The following FBXL7 variants were observed in gnomAD, a reference collection of about 807,000 sequenced individuals.
FBXL7 encodes the protein F-box and leucine rich repeat protein 7, also known as F-box/LRR-repeat protein 7.
Under a neutral mutation model 38.3 loss-of-function variants are expected in FBXL7, and 12 were observed. The observed-to-expected ratio is 0.31, with a 90% CI of 0.20 to 0.51. The LOEUF (loss-of-function observed/expected upper bound fraction) is 0.51, where lower values mean the gene tolerates loss of function less well. FBXL7 is among the 20% of genes least tolerant of loss of function. The pLI, the probability that FBXL7 is intolerant of heterozygous loss-of-function variation, is 0.98. For synonymous variants in FBXL7, 297 were observed against 300.9 expected, an observed-to-expected ratio of 0.99 and a Z score of 0.13; for missense variants, 567 against 676.4, an observed-to-expected ratio of 0.84 and a Z score of 1.79.
chr5:15,619,392 G>A (rs189272863), intron 2 of FBXL7, among the ~76,000 whole-genome samples: 2 of 152,296 alleles, frequency 1.3e-5, no homozygotes, highest in East Asian at 3.9e-4. Context: ...TAGTTGGGGT[G>A]GGATGGGAAG....
chr5:15,791,081 G>C lies in FBXL7; in HGVS notation c.128-136809G>C, dbSNP rs543207677. Reference sequence around the variant, plus strand: ...AGTGAGTTGTGTAAAAGGGGGGGGGGGGTTATTGCATGTATCTAAGCCTTA... The same window carrying C: ...AGTGAGTTGTGTAAAAGGGGGGGGGCGGTTATTGCATGTATCTAAGCCTTA... On this transcript the variant is annotated intron_variant, in intron 2 of 3. Coordinates refer to ENST00000504595, the MANE Select transcript of FBXL7 (RefSeq NM_012304.5). 2.4e-4 allele frequency among the ~76,000 whole-genome samples: 34 copies of C among 143,962 alleles called. 1 individual carries two copies. In the South Asian group the frequency reaches 2.6e-3, roughly 11 times the overall value. 94.4% of individuals were successfully genotyped at this position (143,962 alleles called of 152,430 possible). A position where few individuals can be genotyped will look rare whatever the true frequency, so the allele number is the denominator to read the frequency against.
At chr5:15,557,114 A>G (rs1165734805) in intron 1 of FBXL7, among the ~76,000 whole-genome samples, 4 of 152,030 alleles carry the variant, frequency 2.6e-5, no homozygotes, top group Non-Finnish European at 5.9e-5. Context: ...ATTTTTTTGT[A>G]TTTTTAGTAG....
intron 2 of FBXL7, among the ~76,000 whole-genome samples, chr5:15,840,973 G>A (rs183516868): frequency 3.0e-4 from 46 of 151,654 alleles, no homozygotes; most frequent in Admixed American, 4.6e-4. Context: ...ACACTTACTA[G>A]TCAATTAAGG....
At chr5:15,567,260 C>T (rs998421229) in intron 1 of FBXL7, among the ~76,000 whole-genome samples, 7 of 152,092 alleles carry the variant, frequency 4.6e-5, no homozygotes. Context: ...TATTTTAGTA[C>T]TCATTAACTT....
intron 2 of FBXL7, among the ~76,000 whole-genome samples, chr5:15,868,914 C>T (rs1428897226): frequency 2.6e-5 from 4 of 152,138 alleles, no homozygotes; most frequent in South Asian, 4.1e-4. Flanking sequence ...AGTTAACTAT[C>T]GCTGTGTAAC....
chr5:15,657,069 A>G (rs183082322), intron 2 of FBXL7, among the ~76,000 whole-genome samples: 3 of 152,306 alleles, frequency 2.0e-5, no homozygotes, highest in African/African-American at 7.2e-5. Context: ...ATATTGAAGG[A>G]CATAAAACAA....
chr5:15,615,925 G>C, intron 1 of FBXL7, 58 bp from the exon 2 acceptor site: 1 of 1,140,040 alleles, frequency 8.8e-7, no homozygotes. Flanking sequence ...CGAGTGGAAG[G>C]CATGGTCCAG....
chr5:15,639,170 A>G (rs1741277728), intron 2 of FBXL7, among the ~76,000 whole-genome samples: 1 of 152,202 alleles, frequency 6.6e-6, no homozygotes, highest in African/African-American at 2.4e-5. Context: ...ATTGCATAGT[A>G]CACCTGGATC....
intron 2 of FBXL7, among the ~76,000 whole-genome samples, chr5:15,920,606 C>T (rs2126444805): frequency 6.6e-6 from 1 of 152,138 alleles, no homozygotes; most frequent in South Asian, 2.1e-4. Context: ...CTGCAACCTC[C>T]ACCTCCTGGG....
intron 2 of FBXL7, among the ~76,000 whole-genome samples, chr5:15,827,883 C>T (rs559179121): frequency 1.4e-4 from 21 of 152,294 alleles, no homozygotes; most frequent in Middle Eastern, 3.4e-3. Context: ...TTGGTAACAC[C>T]TGCTGTGAAT....
At chr5:15,755,788 A>T (rs1736281968) in intron 2 of FBXL7, among the ~76,000 whole-genome samples, 1 of 152,232 alleles carries the variant, frequency 6.6e-6, no homozygotes, top group African/African-American at 2.4e-5. Flanking sequence ...AACTAACCAG[A>T]TGTTTTATCA....
At chr5:15,662,797 A>T (rs1561075080) in intron 2 of FBXL7, among the ~76,000 whole-genome samples, 2 of 152,188 alleles carry the variant, frequency 1.3e-5, no homozygotes, top group African/African-American at 2.4e-5. Flanking sequence ...TTTGTCAAAG[A>T]TCAGATGGTC....
At chr5:15,554,363 G>A (rs1738171715) in intron 1 of FBXL7, among the ~76,000 whole-genome samples, 1 of 152,110 alleles carries the variant, frequency 6.6e-6, no homozygotes, top group African/African-American at 2.4e-5. Context: ...GAAGTCCCCA[G>A]TAAAACTTGT....
At chr5:15,631,192 C>T (rs1740986544) in intron 2 of FBXL7, among the ~76,000 whole-genome samples, 1 of 152,034 alleles carries the variant, frequency 6.6e-6, no homozygotes, top group South Asian at 2.1e-4. Context: ...ATAATAAATC[C>T]AACATCTCTA....
chr5:15,890,441 A>T (rs550772382), intron 2 of FBXL7, among the ~76,000 whole-genome samples: 1 of 151,984 alleles, frequency 6.6e-6, no homozygotes, highest in Non-Finnish European at 1.5e-5. Context: ...GGGTTTCTCC[A>T]TGTTGGTCAG....
At chr5:15,593,712 C>G (rs532714821) in intron 1 of FBXL7, among the ~76,000 whole-genome samples, 2 of 152,112 alleles carry the variant, frequency 1.3e-5, no homozygotes, top group East Asian at 1.9e-4. Flanking sequence ...ATTTGTGTAA[C>G]AAATATTTTT....
chr5:15,853,666 C>T (rs1054149501), intron 2 of FBXL7, among the ~76,000 whole-genome samples: 1 of 152,182 alleles, frequency 6.6e-6, no homozygotes, highest in Non-Finnish European at 1.5e-5. Context: ...TGGATGCATG[C>T]TCTGACTTGA....
At chr5:15,598,564 A>C (rs1019811) in intron 1 of FBXL7, among the ~76,000 whole-genome samples, 80,463 of 151,938 alleles carry the variant, frequency 0.53, 22,180 homozygotes, top group South Asian at 0.65. Flanking sequence ...GTTGGGACCC[A>C]TTAACTGGTA....
intron 2 of FBXL7, among the ~76,000 whole-genome samples, chr5:15,678,949 A>G (rs1742750042): frequency 6.6e-6 from 1 of 152,212 alleles, no homozygotes; most frequent in South Asian, 2.1e-4. Flanking sequence ...TTTGAATATC[A>G]TAAAATTTCA....
Sources: allele counts gnomAD v4.1 joint callset (sites outside exome capture counted in the v4.1 genomes callset), GRCh38; gene constraint gnomAD v4.1.1; transcripts MANE v1.5; gene names NCBI Gene and HGNC (gene_info 2026-07-23, HGNC 2026-07-21).